The following PCDHGA9 variants were observed in gnomAD, a reference collection of about 807,000 sequenced individuals.
PCDHGA9 encodes the protein protocadherin gamma-A9.
Under a neutral mutation model 62.5 loss-of-function variants are expected in PCDHGA9, and 37 were observed. The observed-to-expected ratio is 0.59, with a 90% confidence interval of 0.46 to 0.78. PCDHGA9 has a LOEUF of 0.78. PCDHGA9 is among the 30% of genes least tolerant of loss of function. The pLI, the probability that PCDHGA9 is intolerant of heterozygous loss-of-function variation, is 0.00. For missense variants in PCDHGA9, 1,138 were observed against 1,166.2 expected, an observed-to-expected ratio of 0.98 and a Z score of 0.35; for synonymous variants, 459 against 484.6, an observed-to-expected ratio of 0.95 and a Z score of 0.69.
At chr5:141,405,498 C>T in intron 1 of PCDHGA9, 122 bp downstream of exon 1, 2 of 784,948 alleles carry the variant, frequency 2.5e-6, no homozygotes, top group Admixed American at 2.7e-5. Flanking sequence ...CGGCTCATTG[C>T]AACCTCCGCC....
chr5:141,425,119 T>G (rs1234720658), intron 1 of PCDHGA9, among the ~76,000 whole-genome samples: 1 of 152,220 alleles, frequency 6.6e-6, no homozygotes, highest in Non-Finnish European at 1.5e-5. Context: ...ACATTTTTCT[T>G]GAAGTCAAGA....
Position 141,511,429 on chromosome 5 carries a change from G to A in PCDHGA9, c.*256G>A, listed in dbSNP as rs1414641314. 1.3e-6 allele frequency: 1 copy of A among 769,620 alleles called. No individual in the cohort carries two copies. The highest frequency in any genetic ancestry group is 2.0e-6 in the Non-Finnish European group (1 of 505,154). The allele number at this position is 769,620 out of a possible 1,614,324, so 47.7% of individuals were successfully genotyped here. On this transcript the variant is annotated 3_prime_UTR_variant, in exon 4 of 4. Transcript: ENST00000573521. The stretch of plus-strand genomic sequence containing the variant: ...CTGCTGTACCCATGGGGGTAGTGGG[G>A]TTACTGTAGACACCAAGAACCATTT...
At chr5:141,421,894 C>T (rs764642401) in intron 1 of PCDHGA9, 6 of 1,613,586 alleles carry the variant, frequency 3.7e-6, no homozygotes, top group Non-Finnish European at 4.2e-6. Flanking sequence ...CGATCCCATC[C>T]GAAAGGGCGC....
chr5:141,505,246 G>GAAGT, intron 2 of PCDHGA9, 147 bp from the exon 3 acceptor site: 3 of 1,436,674 alleles, frequency 2.1e-6, no homozygotes, highest in Non-Finnish European at 2.8e-6. Context: ...AAGGATTGTA[G>GAAGT]AAGTGCCTCC....
chr5:141,506,228 A>T (rs538354130), intron 3 of PCDHGA9, among the ~76,000 whole-genome samples: 1 of 152,266 alleles, frequency 6.6e-6, no homozygotes, highest in East Asian at 1.9e-4. Context: ...AGGCAGGAGG[A>T]TCATGAGGTC....
intron 1 of PCDHGA9, chr5:141,421,294 A>G (rs779984795): frequency 1.9e-6 from 3 of 1,613,304 alleles, no homozygotes; most frequent in Non-Finnish European, 2.5e-6. Context: ...TTTCCTGGGG[A>G]CGCTGCGGGG....
At chr5:141,488,866 G>A (rs957501628) in intron 1 of PCDHGA9, among the ~76,000 whole-genome samples, 1 of 152,148 alleles carries the variant, frequency 6.6e-6, no homozygotes, top group African/African-American at 2.4e-5. Flanking sequence ...GAAGTGAGTG[G>A]GGAGGTAGGA....
In PCDHGA9 at chr5:141,402,830, G is replaced by A; in HGVS notation, c.-123G>A. On this transcript the variant is annotated 5_prime_UTR_variant, in exon 1 of 4. Transcript: ENST00000573521. ...GATACCACAAACCTGCTCCCAGGCT[G>A]CAGCAAAACTCAGCCTCTTTCTTCT... 1 of 1,346,490 alleles carries A rather than the reference G, an allele frequency of 7.4e-7. No individual in the cohort carries two copies. Among genetic ancestry groups the A allele is most frequent in the Non-Finnish European group, 9.8e-7 (1 of 1,022,248 alleles). The allele number at this position is 1,346,490 out of a possible 1,614,324, so 83.4% of individuals were successfully genotyped here.
At position 141,489,220 on chromosome 5, in the gene PCDHGA9, C is replaced by T; in HGVS notation, c.2425-5587C>T. ...AGACAGGACAGCACAGACTTACTCT[C>T]CACAAAGGGACTTCTGGGTCATGGG... On this transcript the variant is annotated intron_variant, in intron 1 of 3. Transcript: ENST00000573521. This position sits in a 1 kb window ranked among gnomAD's most constrained non-coding sequence, Gnocchi z 4.5. The T allele has an allele frequency of 6.6e-7, 1 of 1,508,698 alleles. No homozygotes were observed. The highest frequency in any genetic ancestry group is 8.9e-7 in the Non-Finnish European group (1 of 1,122,110). The allele number at this position is 1,508,698 out of a possible 1,614,324, so 93.5% of individuals were successfully genotyped here.
chr5:141,432,793 C>T lies in PCDHGA9; in HGVS notation c.2424+27417C>T. 6.2e-7 allele frequency: 1 copy of T among 1,614,150 alleles called. No individual in the cohort carries two copies. Among genetic ancestry groups the T allele is most frequent in the Admixed American group, 1.7e-5 (1 of 60,032 alleles). ...AAGTCCTGGCGGACCTCGGCAGCCT[C>T]GAGTCTCCAGCTAACTCTGAAACCT... On this transcript the variant is annotated intron_variant, in intron 1 of 3. Transcript: ENST00000573521. The surrounding 1 kb of genome is among the most constrained non-coding windows in gnomAD (Gnocchi z 6.0).
intron 1 of PCDHGA9, chr5:141,417,577 C>A: frequency 2.3e-6 from 1 of 439,676 alleles, no homozygotes; most frequent in Non-Finnish European, 4.0e-6. Flanking sequence ...AAGTTGCAGT[C>A]CCACACAGAG....
chr5:141,502,524 C>T (rs959562458), intron 2 of PCDHGA9, among the ~76,000 whole-genome samples: 3 of 151,910 alleles, frequency 2.0e-5, no homozygotes, highest in East Asian at 1.9e-4. Flanking sequence ...TCAGTGATGC[C>T]GAGTTTGTTC....
intron 1 of PCDHGA9, among the ~76,000 whole-genome samples, chr5:141,481,695 T>A (rs2099542216): frequency 1.3e-5 from 2 of 152,122 alleles, no homozygotes; most frequent in Non-Finnish European, 2.9e-5. Context: ...GGCTCACGCC[T>A]GTAATCCCAG....
chr5:141,409,879 A>C, intron 1 of PCDHGA9: 1 of 1,612,852 alleles, frequency 6.2e-7, no homozygotes. Context: ...ATGACAACGC[A>C]CCGCGGGTGC....
intron 1 of PCDHGA9, among the ~76,000 whole-genome samples, chr5:141,425,841 C>T (rs936781561): frequency 2.0e-5 from 3 of 152,190 alleles, no homozygotes; most frequent in African/African-American, 7.2e-5. Context: ...ATTCTCTTTG[C>T]TGGGTTAATG....
Position 141,404,622 on chromosome 5 carries a change from A to G in PCDHGA9, c.1670A>G (p.Asp557Gly), listed in dbSNP as rs1182540384. ...SLRLFVLDQN[D>G]NAPEILYPAL... is the part of the protein sequence containing the mutation. ...AGACTGTTTGTTTTGGACCAGAATG[A>G]CAATGCCCCAGAAATCCTGTACCCT... is the stretch of plus-strand genomic sequence containing the variant. The change falls in exon 1 of 4, where the codon GAC becomes GGC. Residue 557 changes from aspartate to glycine, a missense_variant. Physicochemically the swap from Asp to Gly is moderately conservative, Grantham distance 94. Coordinates refer to ENST00000573521, the MANE Select transcript of PCDHGA9 (RefSeq NM_018921.3). 9.9e-6 allele frequency: 16 copies of G among 1,614,156 alleles called. No homozygotes were observed. Among genetic ancestry groups the G allele is most frequent in the Non-Finnish European group, 1.4e-5 (16 of 1,180,014 alleles).
Position 141,485,096 on chromosome 5 carries a change from C to T in PCDHGA9, c.2425-9711C>T, listed in dbSNP as rs1166994104. On this transcript the variant is annotated intron_variant, in intron 1 of 3. Coordinates refer to ENST00000573521, the MANE Select transcript of PCDHGA9 (RefSeq NM_018921.3). This position sits in a 1 kb window ranked among gnomAD's most constrained non-coding sequence, Gnocchi z 5.7. The stretch of plus-strand genomic sequence containing the variant: ...CGCGGGGAAAGGGAGATAGGTGTCT[C>T]CAGCTGCTGTGGCTGTTTGGGGCGG... The T allele has an allele frequency of 1.8e-6, 2 of 1,125,566 alleles. No homozygotes were observed. The highest frequency in any genetic ancestry group is 3.1e-5 in the African/African-American group (2 of 64,908). 69.7% of individuals were successfully genotyped at this position (1,125,566 alleles called of 1,614,324 possible).
At chr5:141,408,600 T>C (rs761951478) in intron 1 of PCDHGA9, 7 of 1,613,998 alleles carry the variant, frequency 4.3e-6, no homozygotes, top group Non-Finnish European at 4.2e-6. Flanking sequence ...GCCCCTCAAT[T>C]TGATAAAAAG....
rs537619617 is a variant in PCDHGA9 at position 141,483,429 on chromosome 5, C to G, written c.2425-11378C>G. On this transcript the variant is annotated intron_variant, in intron 1 of 3. Coordinates refer to ENST00000573521, the MANE Select transcript of PCDHGA9 (RefSeq NM_018921.3). ...ACAGTGGCAGTACAGATGGAGGGAGCTGACTACAATAAAATCATCAGGACT... is the reference window on the plus strand; with the variant it reads ...ACAGTGGCAGTACAGATGGAGGGAGGTGACTACAATAAAATCATCAGGACT... Among the ~76,000 whole-genome samples the G allele has an allele frequency of 5.3e-5, 8 of 152,158 alleles. No individual in the cohort carries two copies. In the East Asian group the frequency reaches 1.5e-3, roughly 29 times the overall value.
Sources: gnomAD v4.1 joint callset for allele counts (sites outside exome capture counted in the v4.1 genomes callset) on GRCh38, gnomAD v4.1.1 for gene constraint, Gnocchi (gnomAD v3.1) non-coding constraint, MANE v1.5 for transcripts, NCBI Gene and HGNC (gene_info 2026-07-23, HGNC 2026-07-21) for gene names.